SEC24D: variants seen among roughly 807,000 people sequenced by gnomAD.
The protein encoded by SEC24D is SEC24 homolog D, COPII component, also known as protein transport protein Sec24D.
In SEC24D, 69 loss-of-function variants were observed where a neutral mutation model predicts 116.9. That is an observed-to-expected ratio of 0.59 (90% CI 0.49 to 0.72). The LOEUF (loss-of-function observed/expected upper bound fraction) is 0.72, where lower values mean the gene tolerates loss of function less well. Ranked by LOEUF, SEC24D falls within the 30% of genes least tolerant of loss-of-function variation. The probability of loss-of-function intolerance (pLI) is 0.00; values close to 1 mark genes in which losing one functional copy is unlikely to be tolerated. For missense variants in SEC24D, 1,131 were observed against 1,264.1 expected, an observed-to-expected ratio of 0.89 and a Z score of 1.60; for synonymous variants, 405 against 442.8, an observed-to-expected ratio of 0.91 and a Z score of 1.07.
chr4:118,804,750 T>C (rs115515663), intron 7 of SEC24D, among the ~76,000 whole-genome samples: 2,310 of 152,044 alleles, frequency 0.015, 31 homozygotes, highest in Non-Finnish European at 0.021. Flanking sequence ...GAAGGAAAAA[T>C]TATTTTTAGA....
chr4:118,731,951 G>A (rs894237280), intron 20 of SEC24D, among the ~76,000 whole-genome samples: 3 of 149,712 alleles, frequency 2.0e-5, no homozygotes, highest in Non-Finnish European at 4.4e-5. Context: ...TAAAGCAAGG[G>A]CCCAAATGGA....
chr4:118,779,639 C>T (rs1728306570), intron 8 of SEC24D, among the ~76,000 whole-genome samples: 1 of 152,100 alleles, frequency 6.6e-6, no homozygotes, highest in Admixed American at 6.5e-5. Flanking sequence ...GGGAGGATTC[C>T]CTCTTTTTCT....
At chr4:118,728,914 A>T (rs1725542397) in intron 21 of SEC24D, 1 of 327,932 alleles carries the variant, frequency 3.0e-6, no homozygotes, top group Non-Finnish European at 5.6e-6. Context: ...GAAATGATAC[A>T]GCACAGACGT....
At chr4:118,732,650 T>G (rs1725749705) in intron 20 of SEC24D, 83 bp downstream of exon 20, 1 of 1,295,870 alleles carries the variant, frequency 7.7e-7, no homozygotes, top group African/African-American at 1.5e-5. Flanking sequence ...GAACAACATA[T>G]TTCAGATATA....
rs1729362382 is a variant in SEC24D, at chr4:118,800,042, A to T, written c.914-2232T>A. On this transcript the variant is annotated intron_variant, in intron 7 of 22. Transcript: ENST00000280551. ...GTGGAAATATACTTGAGTGGTGCAC[A>T]GGGAGAGAGGCTGGCTTTCGACTGG... is the stretch of plus-strand genomic sequence containing the variant. Among the ~76,000 whole-genome samples, 3 of 152,282 alleles carry T rather than the reference A, an allele frequency of 2.0e-5. No individual in the cohort carries two copies. The South Asian group carries it at 6.2e-4, about 32-fold the overall frequency.
chr4:118,803,966 G>C lies in SEC24D; in HGVS notation c.913+1877C>G, dbSNP rs1256449580. Among the ~76,000 whole-genome samples the C allele has an allele frequency of 2.0e-5, 3 of 152,010 alleles. No individual in the cohort carries two copies. The South Asian group carries it at 6.2e-4, about 32-fold the overall frequency. Reference sequence around the variant, plus strand: ...TTATTAACCTCAGGTTTAGCATAGAGGCCTGGCACATAATAGGTACTGAAT... The same window carrying C: ...TTATTAACCTCAGGTTTAGCATAGACGCCTGGCACATAATAGGTACTGAAT... On this transcript the variant is annotated intron_variant, in intron 7 of 22. Coordinates refer to ENST00000280551, the MANE Select transcript of SEC24D (RefSeq NM_014822.4).
intron 7 of SEC24D, among the ~76,000 whole-genome samples, chr4:118,802,714 G>A (rs547690249): frequency 3.9e-5 from 6 of 152,140 alleles, no homozygotes; most frequent in African/African-American, 1.4e-4. Flanking sequence ...CATACTATAC[G>A]ATCCAGCAAT....
At chr4:118,816,088 ATTTTTTTTTTT>A (rs34404398) in intron 4 of SEC24D, among the ~76,000 whole-genome samples, 3 of 101,306 alleles carry the variant, frequency 3.0e-5, no homozygotes, top group Non-Finnish European at 5.8e-5. Context: ...CGCCAAGTTC[ATTTTTTTTTTT>A]TTTTTTTTTT....
chr4:118,726,109 G>A (rs1266729200), intron 22 of SEC24D, among the ~76,000 whole-genome samples: 2 of 152,154 alleles, frequency 1.3e-5, no homozygotes, highest in African/African-American at 4.8e-5. Context: ...CTTACCAGAG[G>A]TCTTAAAGAA....
chr4:118,820,327 C>T (rs1578474168), intron 3 of SEC24D, among the ~76,000 whole-genome samples: 1 of 151,758 alleles, frequency 6.6e-6, no homozygotes, highest in Admixed American at 6.6e-5. Flanking sequence ...ATTACAGGTA[C>T]GCAGCACCAC....
intron 8 of SEC24D, among the ~76,000 whole-genome samples, chr4:118,784,285 A>G (rs994436035): frequency 6.6e-6 from 1 of 152,226 alleles, no homozygotes; most frequent in Non-Finnish European, 1.5e-5. Flanking sequence ...TTCTATATCA[A>G]TAAACTGAAA....
chr4:118,816,739 C>T (rs533696464), intron 4 of SEC24D: 3 of 445,626 alleles, frequency 6.7e-6, no homozygotes, highest in South Asian at 4.8e-5. Context: ...CTTTCCATGA[C>T]TCACAGGATA....
intron 7 of SEC24D, among the ~76,000 whole-genome samples, chr4:118,803,705 G>C (rs192114901): frequency 1.2e-4 from 19 of 152,270 alleles, no homozygotes; most frequent in Non-Finnish European, 1.6e-4. Flanking sequence ...CAGAATGCTT[G>C]AGTTCAAATT....
At chr4:118,781,225 T>C (rs1017134196) in intron 8 of SEC24D, among the ~76,000 whole-genome samples, 6 of 152,248 alleles carry the variant, frequency 3.9e-5, no homozygotes, top group Admixed American at 1.3e-4. Context: ...GTGGCTGGTA[T>C]CTGTTGTCCC....
chr4:118,810,084 G>GTGTGTGTGTGTGTGTC (rs1729843074), intron 6 of SEC24D, among the ~76,000 whole-genome samples: 1 of 110,862 alleles, frequency 9.0e-6, no homozygotes. Flanking sequence ...CTGTGTGTGT[G>GTGTGTGTGTGTGTGTC]TGTGTGTGTG....
intron 21 of SEC24D, chr4:118,730,472 C>A (rs1475972342): frequency 6.6e-6 from 1 of 152,170 alleles, no homozygotes; most frequent in Non-Finnish European, 1.5e-5. Flanking sequence ...TATTGATAAA[C>A]TGTACTTCAT....
chr4:118,767,186 C>T (rs147895351), intron 9 of SEC24D, among the ~76,000 whole-genome samples: 1 of 152,308 alleles, frequency 6.6e-6, no homozygotes, highest in East Asian at 1.9e-4. Context: ...TGGGTAAAGC[C>T]ATGGACTGTG....
chr4:118,828,952 T>C (rs1177974316), intron 2 of SEC24D, among the ~76,000 whole-genome samples: 1 of 152,210 alleles, frequency 6.6e-6, no homozygotes, highest in Non-Finnish European at 1.5e-5. Flanking sequence ...CCCAGCAAAC[T>C]GCTTCCCGAC....
chr4:118,740,546 A>C, intron 17 of SEC24D, 117 bp downstream of exon 17: 2 of 1,156,856 alleles, frequency 1.7e-6, no homozygotes, highest in Non-Finnish European at 1.2e-6. Flanking sequence ...GACTTTGGAG[A>C]AAGAGTTGAA....
Sources: gnomAD v4.1 joint callset for allele counts (sites outside exome capture counted in the v4.1 genomes callset) on GRCh38, gnomAD v4.1.1 for gene constraint, MANE v1.5 for transcripts, NCBI Gene and HGNC (gene_info 2026-07-23, HGNC 2026-07-21) for gene names.